The following PCDHGA2 variants were observed in gnomAD, a reference collection of about 807,000 sequenced individuals.
PCDHGA2 encodes protocadherin gamma subfamily A, 2.
In PCDHGA2, 40 loss-of-function variants were observed where a neutral mutation model predicts 59.2. The observed-to-expected ratio is 0.68, with a 90% CI of 0.52 to 0.88. The LOEUF (loss-of-function observed/expected upper bound fraction) is 0.88. Ranked by LOEUF, PCDHGA2 falls within the 40% of genes least tolerant of loss-of-function variation. PCDHGA2 has a pLI of 0.00. For synonymous variants in PCDHGA2, 560 were observed against 526.0 expected (o/e 1.06, Z -0.89); for missense variants, 1,226 against 1,204.0 (o/e 1.02, Z -0.27).
chr5:141,372,379 T>A, intron 1 of PCDHGA2: 1 of 1,614,006 alleles, frequency 6.2e-7, no homozygotes, highest in Non-Finnish European at 8.5e-7. Context: ...ATGCTGCACC[T>A]AATCTTCGCA....
intron 1 of PCDHGA2, among the ~76,000 whole-genome samples, chr5:141,481,223 A>C (rs935737972): frequency 3.3e-5 from 5 of 152,242 alleles, no homozygotes; most frequent in Non-Finnish European, 7.3e-5. Context: ...AAGGTCTCCC[A>C]GCCTTAAAGT....
chr5:141,359,110 A>G (rs1761121037), intron 1 of PCDHGA2, among the ~76,000 whole-genome samples: 1 of 152,222 alleles, frequency 6.6e-6, no homozygotes, highest in African/African-American at 2.4e-5. Context: ...GTATTCATAG[A>G]AAGTTGTGGT....
chr5:141,461,072 A>C (rs555905734), intron 1 of PCDHGA2, among the ~76,000 whole-genome samples: 1 of 151,688 alleles, frequency 6.6e-6, no homozygotes, highest in African/African-American at 2.4e-5. Context: ...ACATTTTTGC[A>C]ATTGTGAATT....
Position 141,485,959 on chromosome 5 carries a change from C to A in PCDHGA2, c.2425-8848C>A, listed in dbSNP as rs758835557. The A allele has an allele frequency of 6.2e-7, 1 of 1,614,160 alleles. No homozygotes were observed. The highest frequency in any genetic ancestry group is 1.3e-5 in the African/African-American group (1 of 75,054). Reference sequence around the variant, plus strand: ...GCGCACCAGCGGGCATGGTGCTCATCCAGCTCAATGCCTCAGACCCGGACC... The same window carrying A: ...GCGCACCAGCGGGCATGGTGCTCATACAGCTCAATGCCTCAGACCCGGACC... On this transcript the variant is annotated intron_variant, in intron 1 of 3. Coordinates refer to ENST00000394576, the MANE Select transcript of PCDHGA2 (RefSeq NM_018915.4). The surrounding 1 kb of genome is among the most constrained non-coding windows in gnomAD (Gnocchi z 5.7).
Position 141,338,890 on chromosome 5 carries a change from T to C in PCDHGA2, c.-82T>C. ...GGACCTGGGTCCCGTGAATGCTGGT[T>C]ATCTCACACCCTGAGGAATAAAGAT... On this transcript the variant is annotated 5_prime_UTR_variant, in exon 1 of 4. Coordinates refer to ENST00000394576, the MANE Select transcript of PCDHGA2 (RefSeq NM_018915.4). The C allele has an allele frequency of 6.8e-7, 1 of 1,472,520 alleles. No homozygotes were observed. The highest frequency in any genetic ancestry group is 2.4e-5 in the East Asian group (1 of 41,724). The allele number at this position is 1,472,520 out of a possible 1,614,324, so 91.2% of individuals were successfully genotyped here. A position where few individuals can be genotyped will look rare whatever the true frequency, so the allele number is the denominator to read the frequency against.
Position 141,422,887 on chromosome 5 carries a change from C to G in PCDHGA2, c.2425-71920C>G, listed in dbSNP as rs2154549815. ...CAACGTGTCGCTGAGCCTGTTCGTG[C>G]TGGACCAGAACGACAATGCGCCCGA... On this transcript the variant is annotated intron_variant, in intron 1 of 3. Coordinates refer to ENST00000394576, the MANE Select transcript of PCDHGA2 (RefSeq NM_018915.4). The G allele has an allele frequency of 2.5e-6, 4 of 1,614,264 alleles. No homozygotes were observed. In the Middle Eastern group the frequency reaches 4.9e-4, roughly 200 times the overall value.
Position 141,339,113 on chromosome 5 carries a change from A to G in PCDHGA2, c.142A>G (p.Ile48Val), listed in dbSNP as rs756654786. 2 of 1,614,238 alleles carry G rather than the reference A, an allele frequency of 1.2e-6. No individual in the cohort carries two copies. Among genetic ancestry groups the G allele is most frequent in the Non-Finnish European group, 1.7e-6 (2 of 1,180,032 alleles). Residue 48 changes from isoleucine to valine, a missense_variant, in exon 1 of 4, where the codon ATC becomes GTC. Physicochemically the swap from Ile to Val is conservative, Grantham distance 29. Transcript: ENST00000394576. ...CGACAGAGGCTCCTTCGTAGGCAAC[A>G]TCGCCAAGGACTTGGGTTTGGAGCC... ...EIDRGSFVGN[I>V]AKDLGLEPLA...
In PCDHGA2 at chr5:141,493,103, A is replaced by G. The variant is rs1396614836; in HGVS notation, c.2425-1704A>G. Among the ~76,000 whole-genome samples the G allele has an allele frequency of 6.6e-6, 1 of 152,086 alleles. No homozygotes were observed. The highest frequency in any genetic ancestry group is 1.5e-5 in the Non-Finnish European group (1 of 68,022). On this transcript the variant is annotated intron_variant, in intron 1 of 3. Transcript: ENST00000394576. The surrounding 1 kb of genome is among the most constrained non-coding windows in gnomAD (Gnocchi z 4.3). ...AGGAGCTTTTATTCAAAATATATCA[A>G]TGCCTAACTCTGCTCCTAGGACTGT...
At chr5:141,468,382 G>T (rs1247387630) in intron 1 of PCDHGA2, 1 of 151,194 alleles carries the variant, frequency 6.6e-6, no homozygotes, top group Non-Finnish European at 1.5e-5. Context: ...GCCATACAAG[G>T]CTACCCATTT....
At chr5:141,400,557 ACC>A in intron 1 of PCDHGA2, 5 of 1,613,254 alleles carry the variant, frequency 3.1e-6, no homozygotes, top group Non-Finnish European at 3.4e-6. Context: ...CTTTTTCATT[ACC>A]CACCCAATTT....
chr5:141,399,727 G>A, intron 1 of PCDHGA2: 1 of 1,613,308 alleles, frequency 6.2e-7, no homozygotes, highest in Non-Finnish European at 8.5e-7. Context: ...CCGCGACCAG[G>A]GCTCGCCTGC....
At chr5:141,419,585 G>C (rs2096403161) in intron 1 of PCDHGA2, 8 of 1,611,776 alleles carry the variant, frequency 5.0e-6, no homozygotes, top group Non-Finnish European at 6.8e-6. Flanking sequence ...CGCGCTCTTC[G>C]ACACAGTGCC....
rs986276637 is a variant in PCDHGA2, at chr5:141,487,728, C to A, written c.2425-7079C>A. The A allele has an allele frequency of 3.2e-6, 5 of 1,570,444 alleles. No individual in the cohort carries two copies. The highest frequency in any genetic ancestry group is 2.3e-5 in the East Asian group (1 of 42,866). On this transcript the variant is annotated intron_variant, in intron 1 of 3. Transcript: ENST00000394576. The surrounding 1 kb of genome is among the most constrained non-coding windows in gnomAD (Gnocchi z 5.0). ...TCAGTAAGTGCCCATAGTGATGTCACCATTTTTGTAAGAGGTAACTATGTG... is the reference window on the plus strand; with the variant it reads ...TCAGTAAGTGCCCATAGTGATGTCAACATTTTTGTAAGAGGTAACTATGTG...
chr5:141,478,124 T>C (rs776469996), intron 1 of PCDHGA2: 1 of 1,613,978 alleles, frequency 6.2e-7, no homozygotes, highest in South Asian at 1.1e-5. Flanking sequence ...AACCGAGGAC[T>C]CTCCTGAAGC....
At chr5:141,465,852 G>A (rs1250863307) in intron 1 of PCDHGA2, among the ~76,000 whole-genome samples, 1 of 151,996 alleles carries the variant, frequency 6.6e-6, no homozygotes, top group East Asian at 1.9e-4. Context: ...GCTGGGCCCA[G>A]TGGCTCATGC....
At chr5:141,463,553 A>G (rs1163004575) in intron 1 of PCDHGA2, among the ~76,000 whole-genome samples, 3 of 140,962 alleles carry the variant, frequency 2.1e-5, no homozygotes, top group Non-Finnish European at 4.5e-5. Context: ...GGTTCATGCC[A>G]TTCTCCTGCC....
At position 141,450,045 on chromosome 5, in the gene PCDHGA2, C is replaced by T. The variant is rs369046547; in HGVS notation, c.2425-44762C>T. On this transcript the variant is annotated intron_variant, in intron 1 of 3. Transcript: ENST00000394576. Reference sequence around the variant, plus strand: ...TTTTTGAGACAGGGTCTCACTCTTTCGCCCAGGCTGGAATGCAGTGGTATG... The same window carrying T: ...TTTTTGAGACAGGGTCTCACTCTTTTGCCCAGGCTGGAATGCAGTGGTATG... 4.6e-5 allele frequency among the ~76,000 whole-genome samples: 6 copies of T among 129,508 alleles called. No individual in the cohort carries two copies. In the South Asian group the frequency reaches 9.6e-4, roughly 21 times the overall value. 85.0% of individuals were successfully genotyped at this position (129,508 alleles called of 152,430 possible).
intron 1 of PCDHGA2, chr5:141,383,069 G>A (rs370612007): frequency 6.2e-7 from 1 of 1,613,886 alleles, no homozygotes; most frequent in South Asian, 1.1e-5. Flanking sequence ...CTGGAGCCCC[G>A]GGAGCTGGCG....
At chr5:141,376,392 TC>T (rs1163075559) in intron 1 of PCDHGA2, 5 of 1,614,092 alleles carry the variant, frequency 3.1e-6, no homozygotes, top group Non-Finnish European at 4.2e-6. Flanking sequence ...CATCTGATTT[TC>T]CCCCAGCCCA....
Sources: gnomAD v4.1 joint callset for allele counts (sites outside exome capture counted in the v4.1 genomes callset) on GRCh38, gnomAD v4.1.1 for gene constraint, Gnocchi (gnomAD v3.1) non-coding constraint, MANE v1.5 for transcripts, NCBI Gene and HGNC (gene_info 2026-07-23, HGNC 2026-07-21) for gene names.